DSCAM: variants seen among roughly 807,000 people sequenced by gnomAD.
DSCAM encodes DS cell adhesion molecule.
Under a neutral mutation model 217.7 loss-of-function variants are expected in DSCAM, and 47 were observed. The ratio of observed to expected loss-of-function variants is 0.22; its 90% CI spans 0.17 to 0.28. DSCAM has a LOEUF of 0.28. DSCAM is among the 10% of genes least tolerant of loss of function. DSCAM has a pLI of 1.00. For synonymous variants in DSCAM, 1,056 were observed against 1,015.3 expected (o/e 1.04, Z -0.76); for missense variants, 2,080 against 2,618.3 (o/e 0.79, Z 4.49).
intron 14 of DSCAM, among the ~76,000 whole-genome samples, chr21:40,186,460 C>G (rs13050961): frequency 2.6e-5 from 4 of 152,144 alleles, no homozygotes; most frequent in Non-Finnish European, 4.4e-5. Flanking sequence ...TGGTGGTATT[C>G]TACCCTCGCC....
intron 28 of DSCAM, among the ~76,000 whole-genome samples, chr21:40,057,780 C>T (rs981111671): frequency 6.6e-6 from 1 of 151,886 alleles, no homozygotes; most frequent in Non-Finnish European, 1.5e-5. Context: ...GCCCAACAAG[C>T]CTTGAGATTC....
In DSCAM at chr21:40,832,827, A is replaced by T. The variant is rs918384487; in HGVS notation, c.43+13792T>A. Among the ~76,000 whole-genome samples, 5 of 152,214 alleles carry T rather than the reference A, an allele frequency of 3.3e-5. No homozygotes were observed. In the East Asian group the frequency reaches 7.7e-4, roughly 23 times the overall value. ...GCCTTAGAGAAGAAGCCCATCAATG[A>T]CAACACCACCATCGATATTTTCTAC... is the stretch of plus-strand genomic sequence containing the variant. On this transcript the variant is annotated intron_variant, in intron 1 of 32. Coordinates refer to ENST00000400454, the MANE Select transcript of DSCAM (RefSeq NM_001389.5).
In DSCAM at chr21:40,605,820, T is replaced by A. The variant is rs865936195; in HGVS notation, c.508+86990A>T. Among the ~76,000 whole-genome samples the A allele has an allele frequency of 5.8e-3, 784 of 134,948 alleles. 5 individuals carry two copies. The highest frequency in any genetic ancestry group is 0.01 in the Non-Finnish European group (634 of 63,014). The allele number at this position is 134,948 out of a possible 152,430, so 88.5% of individuals were successfully genotyped here. On this transcript the variant is annotated intron_variant, in intron 3 of 32. Coordinates refer to ENST00000400454, the MANE Select transcript of DSCAM (RefSeq NM_001389.5). The stretch of plus-strand genomic sequence containing the variant: ...TTTTTTTTTTTTTTTTTTTTTTTTT[T>A]AAGACAGTCTCACTGTATTGCCCAG...
intron 1 of DSCAM, among the ~76,000 whole-genome samples, chr21:40,795,056 A>T (rs1244308742): frequency 6.6e-6 from 1 of 151,720 alleles, no homozygotes; most frequent in Non-Finnish European, 1.5e-5. Context: ...TGACCTGGAT[A>T]GCTGGTCTGC....
chr21:40,729,475 G>T (rs2090990868), intron 1 of DSCAM, among the ~76,000 whole-genome samples: 1 of 152,150 alleles, frequency 6.6e-6, no homozygotes, highest in Non-Finnish European at 1.5e-5. Context: ...AGATGTGCTT[G>T]GGCTAGGTAT....
At chr21:40,756,693 A>G (rs2091279459) in intron 1 of DSCAM, among the ~76,000 whole-genome samples, 1 of 152,154 alleles carries the variant, frequency 6.6e-6, no homozygotes, top group South Asian at 2.1e-4. Context: ...CGCGCAGCCC[A>G]GGCATTTCTT....
intron 3 of DSCAM, among the ~76,000 whole-genome samples, chr21:40,618,135 G>A (rs374585406): frequency 7.2e-5 from 11 of 152,016 alleles, no homozygotes; most frequent in African/African-American, 9.7e-5. Context: ...TGAAAGCCTC[G>A]TGTTTCAATA....
chr21:40,439,420 C>T (rs2075611571), intron 3 of DSCAM, among the ~76,000 whole-genome samples: 1 of 152,138 alleles, frequency 6.6e-6, no homozygotes, highest in Non-Finnish European at 1.5e-5. Flanking sequence ...AAAGGTAGAA[C>T]AGATTTAAGT....
Position 40,516,843 on chromosome 21 carries a change from T to G in DSCAM, c.509-147598A>C, listed in dbSNP as rs1046930829. Among the ~76,000 whole-genome samples, 19 of 151,032 alleles carry G rather than the reference T, an allele frequency of 1.3e-4. No homozygotes were observed. The Admixed American group carries it at 1.3e-3, about 10-fold the overall frequency. ...TCAAATCTGGATCTTGTTTATTCAT[T>G]AGACAGTAGCAAATCCGGATACACA... On this transcript the variant is annotated intron_variant, in intron 3 of 32. Coordinates refer to ENST00000400454, the MANE Select transcript of DSCAM (RefSeq NM_001389.5).
intron 3 of DSCAM, among the ~76,000 whole-genome samples, chr21:40,517,644 A>G (rs1456353792): frequency 2.0e-5 from 3 of 152,166 alleles, no homozygotes; most frequent in Non-Finnish European, 4.4e-5. Context: ...ACTTCAACAA[A>G]ACCATGAAAA....
At chr21:40,171,810 T>C (rs1345936649) in intron 15 of DSCAM, among the ~76,000 whole-genome samples, 1 of 152,194 alleles carries the variant, frequency 6.6e-6, no homozygotes, top group Non-Finnish European at 1.5e-5. Context: ...TGAGCTGTAA[T>C]TTTTTCATAG....
At chr21:40,413,408 G>C (rs2075341291) in intron 3 of DSCAM, among the ~76,000 whole-genome samples, 1 of 152,196 alleles carries the variant, frequency 6.6e-6, no homozygotes, top group Non-Finnish European at 1.5e-5. Context: ...CCAGACCATG[G>C]GAACCCACCT....
At chr21:40,634,224 G>A (rs1568951488) in intron 3 of DSCAM, among the ~76,000 whole-genome samples, 1 of 152,178 alleles carries the variant, frequency 6.6e-6, no homozygotes, top group South Asian at 2.1e-4. Context: ...ACAATAAGAG[G>A]AAAGATGTTT....
intron 1 of DSCAM, among the ~76,000 whole-genome samples, chr21:40,777,653 G>A (rs2091500874): frequency 6.6e-6 from 1 of 152,006 alleles, no homozygotes; most frequent in Non-Finnish European, 1.5e-5. Context: ...GAGACACTAA[G>A]ATAAATAAAA....
intron 3 of DSCAM, among the ~76,000 whole-genome samples, chr21:40,637,194 AAT>A (rs1338712217): frequency 6.3e-5 from 1 of 15,896 alleles, no homozygotes; most frequent in Non-Finnish European, 9.8e-5. Flanking sequence ...TATAAATATA[AAT>A]ATATATATAA....
At chr21:40,221,565 C>G (rs1225482169) in intron 11 of DSCAM, among the ~76,000 whole-genome samples, 1 of 151,452 alleles carries the variant, frequency 6.6e-6, no homozygotes, top group African/African-American at 2.4e-5. Flanking sequence ...TCCAACAACA[C>G]CTGGGATCCC....
intron 18 of DSCAM, among the ~76,000 whole-genome samples, chr21:40,135,510 C>G (rs1170187127): frequency 1.3e-5 from 2 of 152,220 alleles, no homozygotes; most frequent in Non-Finnish European, 2.9e-5. Context: ...CGGATCTCAG[C>G]TGCTCTCCTC....
At chr21:40,037,910 AT>A (rs2088658430) in intron 32 of DSCAM, among the ~76,000 whole-genome samples, 1 of 148,158 alleles carries the variant, frequency 6.7e-6, no homozygotes, top group Admixed American at 6.8e-5. Context: ...AAAACAAGCA[AT>A]GGGGAAAGGA....
intron 3 of DSCAM, among the ~76,000 whole-genome samples, chr21:40,486,094 C>T: frequency 6.6e-6 from 1 of 152,112 alleles, no homozygotes; most frequent in East Asian, 1.9e-4. Flanking sequence ...AAAGACCCTC[C>T]CTGATTCCTA....
Sources: allele counts gnomAD v4.1 joint callset (sites outside exome capture counted in the v4.1 genomes callset), GRCh38; gene constraint gnomAD v4.1.1; transcripts MANE v1.5; gene names NCBI Gene and HGNC (gene_info 2026-07-23, HGNC 2026-07-21).